Variants in SF3B1 observed in about 807,000 individuals in gnomAD.
SF3B1 encodes splicing factor 3b subunit 1, also known as pre-mRNA processing 10.
SF3B1 carries 12 observed loss-of-function variants against 153.8 expected under a neutral mutation model. The ratio of observed to expected loss-of-function variants is 0.08; its 90% confidence interval spans 0.05 to 0.13. The LOEUF is 0.13. SF3B1 is among the 10% of genes least tolerant of loss of function. The probability of loss-of-function intolerance (pLI) is 1.00; values close to 1 mark genes in which losing one functional copy is unlikely to be tolerated. For missense variants in SF3B1, 513 were observed against 1,606.1 expected (o/e 0.32, Z 11.63); for synonymous variants, 498 against 525.2 (o/e 0.95, Z 0.71).
chr2:197,408,324 A>C, intron 8 of SF3B1, 45 bp downstream of exon 8: 1 of 1,564,026 alleles, frequency 6.4e-7, no homozygotes, highest in East Asian at 2.2e-5. Flanking sequence ...AAAATTAAAT[A>C]ATTTATGGAG....
chr2:197,434,957 G>A lies in SF3B1; in HGVS notation c.28+15C>T. On this transcript the variant is annotated intron_variant, in intron 1 of 24. Transcript: ENST00000335508. ...AGCAACGAAGAAAACACGTAAGCAG[G>A]GAAAGACCGCTTACCTTCGTGAGTC... 6.2e-7 allele frequency: 1 copy of A among 1,612,908 alleles called. No individual in the cohort carries two copies. The highest frequency in any genetic ancestry group is 8.5e-7 in the Non-Finnish European group (1 of 1,178,804).
At chr2:197,428,684 A>C (rs548452109) in intron 1 of SF3B1, among the ~76,000 whole-genome samples, 6 of 152,326 alleles carry the variant, frequency 3.9e-5, no homozygotes, top group Admixed American at 3.9e-4. Flanking sequence ...ACTTGAGATC[A>C]GGAGTTCAAA....
chr2:197,410,600 G>C (rs896042060), intron 6 of SF3B1, among the ~76,000 whole-genome samples: 2 of 150,964 alleles, frequency 1.3e-5, no homozygotes, highest in East Asian at 3.9e-4. Flanking sequence ...CTGCCTCCCG[G>C]GTTCAAGTGA....
chr2:197,417,964 A>C (rs1345737946), intron 5 of SF3B1, among the ~76,000 whole-genome samples: 1 of 151,168 alleles, frequency 6.6e-6, no homozygotes, highest in Admixed American at 6.6e-5. Context: ...GGCCAGGCAC[A>C]GTGGCTCACA....
intron 23 of SF3B1, among the ~76,000 whole-genome samples, chr2:197,395,496 T>A (rs949797522): frequency 6.6e-6 from 1 of 152,246 alleles, no homozygotes; most frequent in Admixed American, 6.5e-5. Context: ...TGCACTTTCT[T>A]CAGTTACTTC....
intron 2 of SF3B1, 60 bp downstream of exon 2, chr2:197,423,748 A>AC: frequency 6.5e-7 from 1 of 1,529,126 alleles, no homozygotes; most frequent in Non-Finnish European, 9.0e-7. Context: ...AACAAAAGTT[A>AC]TTCATATTTC....
intron 6 of SF3B1, 38 bp downstream of exon 6, chr2:197,416,703 T>C: frequency 6.3e-7 from 1 of 1,583,664 alleles, no homozygotes; most frequent in Non-Finnish European, 8.6e-7. Flanking sequence ...CAGAAAAAAA[T>C]TTTTTAACAG....
At position 197,400,605 on chromosome 2, in the gene SF3B1, T is replaced by A; in HGVS notation, c.2718+110A>T. On this transcript the variant is annotated intron_variant, in intron 18 of 24. Transcript: ENST00000335508. The surrounding 1 kb of genome is among the most constrained non-coding windows in gnomAD (Gnocchi z 5.0). ...TCGTTTGGTAACCCCCTGAGCATTT[T>A]AAAAATTACTTCAAATTCAATTGCA... 5 of 1,038,944 alleles carry A rather than the reference T, an allele frequency of 4.8e-6. No individual in the cohort carries two copies. The highest frequency in any genetic ancestry group is 7.0e-6 in the Non-Finnish European group (5 of 716,420). The allele number at this position is 1,038,944 out of a possible 1,614,324, so 64.4% of individuals were successfully genotyped here.
chr2:197,420,574 C>T (rs759540922), intron 3 of SF3B1, 32 bp from the exon 4 acceptor site: 2 of 1,392,148 alleles, frequency 1.4e-6, no homozygotes, highest in South Asian at 2.5e-5. Flanking sequence ...TTAATATCCA[C>T]TTTATTAAAA....
At chr2:197,414,944 C>T (rs1376931093) in intron 6 of SF3B1, among the ~76,000 whole-genome samples, 1 of 151,932 alleles carries the variant, frequency 6.6e-6, no homozygotes, top group Admixed American at 6.6e-5. Flanking sequence ...GTGGAGGCTG[C>T]AGTGAGCTAT....
chr2:197,411,716 G>C (rs78058728), intron 6 of SF3B1, among the ~76,000 whole-genome samples: 6,103 of 151,680 alleles, frequency 0.04, 399 homozygotes, highest in African/African-American at 0.14. Context: ...AGCTCTTATA[G>C]ACACAAGGAC....
chr2:197,424,935 G>T (rs1055479094), intron 1 of SF3B1, among the ~76,000 whole-genome samples: 1 of 151,056 alleles, frequency 6.6e-6, no homozygotes, highest in African/African-American at 2.4e-5. Context: ...CAAGGCGGGC[G>T]GATCACCTGA....
chr2:197,423,978 T>C lies in SF3B1; in HGVS notation c.29-4A>G. 1 of 1,602,566 alleles carries C rather than the reference T, an allele frequency of 6.2e-7. No homozygotes were observed. The highest frequency in any genetic ancestry group is 8.5e-7 in the Non-Finnish European group (1 of 1,177,236). ...TCTCGAATCTGTGCTTCAATATCTA[T>C]AAAAAGATAACACAGACTTTCTTAA... is the stretch of plus-strand genomic sequence containing the variant. On this transcript the variant is annotated splice_polypyrimidine_tract_variant and splice_region_variant and intron_variant, in intron 1 of 24. Coordinates refer to ENST00000335508, the MANE Select transcript of SF3B1 (RefSeq NM_012433.4).
At position 197,400,248 on chromosome 2, in the gene SF3B1, T is replaced by G. The variant is rs778973803; in HGVS notation, c.2901+4A>C. 41 of 1,613,324 alleles carry G rather than the reference T, an allele frequency of 2.5e-5. No individual in the cohort carries two copies. The highest frequency in any genetic ancestry group is 3.3e-5 in the Non-Finnish European group (39 of 1,179,544). On this transcript the variant is annotated splice_donor_region_variant and intron_variant, in intron 19 of 24. Transcript: ENST00000335508. This position sits in a 1 kb window ranked among gnomAD's most constrained non-coding sequence, Gnocchi z 5.0. ...AGAAGTAAGAATTTGATGCAAAAGT[T>G]TACCTCTTGACAAGTCTTCATGACA... is the stretch of plus-strand genomic sequence containing the variant.
rs373256469 is a variant in SF3B1, at chr2:197,430,096, T to C, written c.28+4876A>G. 3.9e-5 allele frequency among the ~76,000 whole-genome samples: 6 copies of C among 152,250 alleles called. No homozygotes were observed. In the East Asian group the frequency reaches 9.7e-4, roughly 25 times the overall value. ...TAAGAGATAAATCATTAAATCACAATGTACTGTGAAATGAAAAAGATATAA... is the reference window on the plus strand; with the variant it reads ...TAAGAGATAAATCATTAAATCACAACGTACTGTGAAATGAAAAAGATATAA... On this transcript the variant is annotated intron_variant, in intron 1 of 24. Coordinates refer to ENST00000335508, the MANE Select transcript of SF3B1 (RefSeq NM_012433.4).
intron 4 of SF3B1, chr2:197,420,061 T>C (rs1559275194): frequency 3.9e-6 from 1 of 253,972 alleles, no homozygotes; most frequent in Non-Finnish European, 7.6e-6. Flanking sequence ...AGGGTAACAA[T>C]CCTAAAAATC....
chr2:197,412,341 A>ATTT (rs1559270719), intron 6 of SF3B1, among the ~76,000 whole-genome samples: 198 of 145,792 alleles, frequency 1.4e-3, no homozygotes, highest in African/African-American at 4.1e-3. Flanking sequence ...TCTCTGATTT[A>ATTT]ATTTATTTAT....
rs969181173 is a variant in SF3B1, at chr2:197,400,577, A to G, written c.2718+138T>C. On this transcript the variant is annotated intron_variant, in intron 18 of 24. Transcript: ENST00000335508. The surrounding 1 kb of genome is among the most constrained non-coding windows in gnomAD (Gnocchi z 5.0). ...AAATCTTAAAACTTGAGGTAGAATA[A>G]TATCGTTTGGTAACCCCCTGAGCAT... is the stretch of plus-strand genomic sequence containing the variant. 2.2e-5 allele frequency: 22 copies of G among 1,008,346 alleles called. No homozygotes were observed. The highest frequency in any genetic ancestry group is 1.1e-4 in the Admixed American group (4 of 35,976). 62.5% of individuals were successfully genotyped at this position (1,008,346 alleles called of 1,614,324 possible).
At chr2:197,411,356 G>A (rs958392357) in intron 6 of SF3B1, among the ~76,000 whole-genome samples, 1 of 152,274 alleles carries the variant, frequency 6.6e-6, no homozygotes. Context: ...GATGTGTAAT[G>A]TACTTTATAT....
Sources: allele counts gnomAD v4.1 joint callset (sites outside exome capture counted in the v4.1 genomes callset), GRCh38; gene constraint gnomAD v4.1.1; non-coding constraint Gnocchi (gnomAD v3.1); transcripts MANE v1.5; gene names NCBI Gene and HGNC (gene_info 2026-07-23, HGNC 2026-07-21).